Variants in ASTN2 observed in about 807,000 individuals in gnomAD.
ASTN2 encodes astrotactin-2.
Under a neutral mutation model 139.8 loss-of-function variants are expected in ASTN2, and 54 were observed. The ratio of observed to expected loss-of-function variants is 0.39; its 90% CI spans 0.31 to 0.48. The LOEUF is 0.48. ASTN2 is among the 20% of genes least tolerant of loss of function. The probability of loss-of-function intolerance (pLI) is 0.95; values close to 1 mark genes in which losing one functional copy is unlikely to be tolerated. For synonymous variants in ASTN2, 756 were observed against 719.5 expected (o/e 1.05, Z -0.81); for missense variants, 1,565 against 1,725.1 (o/e 0.91, Z 1.64).
intron 2 of ASTN2, among the ~76,000 whole-genome samples, chr9:117,287,784 T>C (rs1320345485): frequency 6.6e-6 from 1 of 152,204 alleles, no homozygotes; most frequent in Non-Finnish European, 1.5e-5. Flanking sequence ...TAAACATTGC[T>C]TCAATGACAA....
chr9:117,296,107 G>A (rs999135375), intron 1 of ASTN2, among the ~76,000 whole-genome samples: 14 of 151,562 alleles, frequency 9.2e-5, no homozygotes, highest in Admixed American at 5.3e-4. Flanking sequence ...GTGAAATCCC[G>A]CCTCTACTAA....
chr9:116,791,807 G>C (rs1328678133), intron 13 of ASTN2, among the ~76,000 whole-genome samples: 3 of 152,126 alleles, frequency 2.0e-5, no homozygotes, highest in African/African-American at 7.2e-5. Context: ...ATTCAGATAG[G>C]CTTTCCCCTT....
At chr9:116,740,686 A>G (rs532434064) in intron 13 of ASTN2, among the ~76,000 whole-genome samples, 1 of 151,102 alleles carries the variant, frequency 6.6e-6, no homozygotes, top group Non-Finnish European at 1.5e-5. Context: ...CTAATTTTTT[A>G]ATTTTTTTTA....
intron 3 of ASTN2, among the ~76,000 whole-genome samples, chr9:117,176,602 T>C (rs1830923926): frequency 6.6e-6 from 1 of 152,014 alleles, no homozygotes; most frequent in Non-Finnish European, 1.5e-5. Flanking sequence ...GATATGAGGA[T>C]GTAAAGATGA....
At chr9:116,817,528 T>C (rs897667866) in intron 12 of ASTN2, among the ~76,000 whole-genome samples, 1 of 151,980 alleles carries the variant, frequency 6.6e-6, no homozygotes, top group African/African-American at 2.4e-5. Context: ...CTCCAGAAAC[T>C]GAAACCAGGA....
At chr9:117,113,488 T>C (rs1829299194) in intron 4 of ASTN2, among the ~76,000 whole-genome samples, 1 of 152,092 alleles carries the variant, frequency 6.6e-6, no homozygotes, top group Non-Finnish European at 1.5e-5. Context: ...AAACCCCGTC[T>C]CCACTAAATA....
chr9:117,284,544 T>C (rs898265781), intron 2 of ASTN2, among the ~76,000 whole-genome samples: 1 of 152,242 alleles, frequency 6.6e-6, no homozygotes, highest in African/African-American at 2.4e-5. Context: ...AGCAGATCTT[T>C]CCCTGGTGCC....
Position 116,698,049 on chromosome 9 carries a change from T to G in ASTN2, c.2806+27722A>C, listed in dbSNP as rs780679942. The G allele has an allele frequency of 3.1e-6, 5 of 1,613,960 alleles. No homozygotes were observed. The highest frequency in any genetic ancestry group is 4.2e-6 in the Non-Finnish European group (5 of 1,180,022). ...TGTGGGGCTGCTCATGTGTCGGTCC[T>G]GTGGGCGGCGTCTGCCCCGGCAATT... On this transcript the variant is annotated intron_variant, in intron 16 of 22. Coordinates refer to ENST00000313400, the MANE Select transcript of ASTN2 (RefSeq NM_001365068.1). The surrounding 1 kb of genome is among the most constrained non-coding windows in gnomAD (Gnocchi z 4.4).
At chr9:116,644,651 G>A (rs1327672661) in intron 17 of ASTN2, among the ~76,000 whole-genome samples, 3 of 152,176 alleles carry the variant, frequency 2.0e-5, no homozygotes, top group African/African-American at 4.8e-5. Flanking sequence ...AAATAAACAG[G>A]ATAAGATTTT....
chr9:116,901,852 AC>A (rs1202369672), intron 10 of ASTN2, among the ~76,000 whole-genome samples: 1 of 152,074 alleles, frequency 6.6e-6, no homozygotes. Context: ...ACATGGTGAA[AC>A]CCTGTCTCTA....
At chr9:116,910,118 A>C (rs1050541924) in intron 10 of ASTN2, among the ~76,000 whole-genome samples, 4 of 152,210 alleles carry the variant, frequency 2.6e-5, no homozygotes, top group South Asian at 2.1e-4. Context: ...TACAGTCCAA[A>C]TTTTTTGGGG....
At position 116,442,682 on chromosome 9, in the gene ASTN2, T is replaced by C. The variant is rs1283498280; in HGVS notation, c.3498-129A>G. The C allele has an allele frequency of 6.8e-6, 5 of 732,502 alleles. No homozygotes were observed. The African/African-American group carries it at 8.7e-5, about 13-fold the overall frequency. The allele number at this position is 732,502 out of a possible 1,614,324, so 45.4% of individuals were successfully genotyped here. ...AATGATTTTAAAAAAAGAATGATAC[T>C]TATAAAGCATTTATTGAGCACTAAC... On this transcript the variant is annotated intron_variant, in intron 20 of 22. Coordinates refer to ENST00000313400, the MANE Select transcript of ASTN2 (RefSeq NM_001365068.1).
chr9:117,111,273 T>C (rs777561388), intron 4 of ASTN2, among the ~76,000 whole-genome samples: 8 of 152,140 alleles, frequency 5.3e-5, no homozygotes, highest in Non-Finnish European at 1.0e-4. Context: ...GACCCAGATG[T>C]TGAAATTAGC....
chr9:116,474,983 T>C lies in ASTN2; in HGVS notation c.3497+12376A>G, dbSNP rs778237096. ...CAGAAGTCAGAAGTCAGGATTCCCATGTATCATTCCTGGCTCTGCCTTGAC... is the reference window on the plus strand; with the variant it reads ...CAGAAGTCAGAAGTCAGGATTCCCACGTATCATTCCTGGCTCTGCCTTGAC... On this transcript the variant is annotated intron_variant, in intron 20 of 22. Transcript: ENST00000313400. Among the ~76,000 whole-genome samples the C allele has an allele frequency of 3.3e-5, 5 of 152,298 alleles. No homozygotes were observed. The South Asian group carries it at 1.0e-3, about 32-fold the overall frequency.
At chr9:116,434,653 G>C (rs991627853) in intron 22 of ASTN2, among the ~76,000 whole-genome samples, 37 of 152,192 alleles carry the variant, frequency 2.4e-4, no homozygotes, top group Non-Finnish European at 4.6e-4. Flanking sequence ...AAACATAATT[G>C]AAAGTGTAGA....
chr9:116,651,650 G>T lies in ASTN2; in HGVS notation c.2950C>A (p.Pro984Thr), dbSNP rs772790021. Residue 984 changes from proline to threonine, a missense_variant, in exon 17 of 23, where the codon CCA (proline) becomes ACA (threonine). Pro to Thr is a conservative substitution (Grantham distance 38). Transcript: ENST00000313400. ...CGGCGGCAAAGGTGACAGGTAGATG[G>T]ACAGCGCCCCTTCTCCTCACAGCGA... is the stretch of plus-strand genomic sequence containing the variant. ...EIRCEEKGRC[P>T]STCHLCRRPG... The T allele has an allele frequency of 6.2e-7, 1 of 1,614,184 alleles. No homozygotes were observed. The highest frequency in any genetic ancestry group is 1.3e-5 in the African/African-American group (1 of 75,054).
At chr9:117,011,933 CTG>C (rs1261349001) in intron 6 of ASTN2, among the ~76,000 whole-genome samples, 4 of 152,150 alleles carry the variant, frequency 2.6e-5, no homozygotes, top group Admixed American at 2.6e-4. Context: ...CTAGAGTAGT[CTG>C]TGAATTCCTC....
chr9:116,431,460 G>C (rs1847494303), intron 22 of ASTN2, among the ~76,000 whole-genome samples: 1 of 152,102 alleles, frequency 6.6e-6, no homozygotes, highest in Non-Finnish European at 1.5e-5. Flanking sequence ...GTCCTCGTCG[G>C]GCTCCATCTG....
At chr9:116,825,189 G>A (rs1588324674) in intron 11 of ASTN2, among the ~76,000 whole-genome samples, 2 of 152,276 alleles carry the variant, frequency 1.3e-5, no homozygotes, top group South Asian at 4.1e-4. Flanking sequence ...AGTCAGGCCT[G>A]AATTCCAAGG....
Sources: allele counts gnomAD v4.1 joint callset (sites outside exome capture counted in the v4.1 genomes callset), GRCh38; gene constraint gnomAD v4.1.1; non-coding constraint Gnocchi (gnomAD v3.1); transcripts MANE v1.5; gene names NCBI Gene and HGNC (gene_info 2026-07-23, HGNC 2026-07-21).